The following GJC1 variants were observed in gnomAD, a reference collection of about 807,000 sequenced individuals.
GJC1 encodes the protein gap junction protein gamma 1.
GJC1 carries 5 observed loss-of-function variants against 29.3 expected under a neutral mutation model. The ratio of observed to expected loss-of-function variants is 0.17; its 90% CI spans 0.09 to 0.36. The LOEUF (loss-of-function observed/expected upper bound fraction) is 0.36, where lower values mean the gene tolerates loss of function less well. GJC1 is among the 10% of genes least tolerant of loss of function. GJC1 has a pLI of 1.00. For missense variants in GJC1, 310 were observed against 496.2 expected, an observed-to-expected ratio of 0.62 and a Z score of 3.56; for synonymous variants, 177 against 183.3, an observed-to-expected ratio of 0.97 and a Z score of 0.28.
At chr17:44,806,460 C>T (rs1022623905) in intron 2 of GJC1, among the ~76,000 whole-genome samples, 2 of 142,118 alleles carry the variant, frequency 1.4e-5, no homozygotes, top group Non-Finnish European at 3.0e-5. Flanking sequence ...AGTGCAGTGG[C>T]GTGATCTTGG....
chr17:44,794,324 T>C (rs1213913695), downstream of GJC1: 1 of 152,226 alleles, frequency 6.6e-6, no homozygotes, highest in Non-Finnish European at 1.5e-5. Flanking sequence ...TTCCCGATGG[T>C]TTGAATGTGA....
downstream of GJC1, among the ~76,000 whole-genome samples, chr17:44,797,040 G>A (rs967396296): frequency 2.6e-5 from 4 of 152,140 alleles, no homozygotes; most frequent in African/African-American, 9.7e-5. Context: ...TGTAGAGACA[G>A]GGTCTCACTA....
chr17:44,795,952 G>A (rs2049780840), downstream of GJC1, among the ~76,000 whole-genome samples: 1 of 152,226 alleles, frequency 6.6e-6, no homozygotes, highest in African/African-American at 2.4e-5. Flanking sequence ...AGCAGATGGG[G>A]GAGCCAGAAG....
At chr17:44,823,355 G>T (rs1430227008) in intron 1 of GJC1, among the ~76,000 whole-genome samples, 1 of 148,992 alleles carries the variant, frequency 6.7e-6, no homozygotes, top group Non-Finnish European at 1.5e-5. Flanking sequence ...GGGTTCAAGT[G>T]ATTCTCCTGT....
intron 1 of GJC1, among the ~76,000 whole-genome samples, chr17:44,819,104 A>T (rs1340559517): frequency 6.6e-6 from 1 of 152,096 alleles, no homozygotes; most frequent in Non-Finnish European, 1.5e-5. Flanking sequence ...CAAGTATTAA[A>T]CACATTCATA....
intron 1 of GJC1, among the ~76,000 whole-genome samples, chr17:44,826,544 A>G (rs9914766): frequency 0.033 from 5,029 of 151,970 alleles, 171 homozygotes; most frequent in African/African-American, 0.069. Flanking sequence ...AAAAAAAAAA[A>G]AGTAAAATGC....
chr17:44,822,643 C>CAA (rs11423012), intron 1 of GJC1, among the ~76,000 whole-genome samples: 24,316 of 80,098 alleles, frequency 0.3, 3,596 homozygotes, highest in East Asian at 0.4. Context: ...AACTCCATCT[C>CAA]AAAAAAAAAA....
In GJC1 at chr17:44,806,718, T is replaced by C. The variant is rs56099939; in HGVS notation, c.-21+676A>G. 6.0e-3 allele frequency among the ~76,000 whole-genome samples: 916 copies of C among 152,024 alleles called. 10 individuals are homozygous for C. Among genetic ancestry groups the C allele is most frequent in the African/African-American group, 0.021 (875 of 41,484 alleles). On this transcript the variant is annotated intron_variant, in intron 2 of 2. Transcript: ENST00000592524. ...CTAGGTTCTTTACACATACTATTAT[T>C]TCATGAGACCTTCAGAATTTTGTGA...
intron 1 of GJC1, among the ~76,000 whole-genome samples, chr17:44,818,388 T>A (rs2050067570): frequency 6.6e-6 from 1 of 152,088 alleles, no homozygotes; most frequent in African/African-American, 2.4e-5. Context: ...CAAAAATGAT[T>A]TATTTATTTA....
rs970583997 is a variant in GJC1 at position 44,802,328 on chromosome 17, C to A, written c.*2299G>T. 6.6e-6 allele frequency: 1 copy of A among 152,182 alleles called. No individual in the cohort carries two copies. Among genetic ancestry groups the A allele is most frequent in the African/African-American group, 2.4e-5 (1 of 41,452 alleles). 9.4% of individuals were successfully genotyped at this position (152,182 alleles called of 1,614,324 possible). On this transcript the variant is annotated 3_prime_UTR_variant, in exon 3 of 3. Transcript: ENST00000592524. ...TGGGCAAAGCCACTCTCTTCTCCCT[C>A]AGGCTCTGAAGAGATAACACAAATG...
rs2049858183 is a variant in GJC1, at chr17:44,802,255, G to A, written c.*2372C>T. The A allele has an allele frequency of 6.6e-6, 1 of 152,116 alleles. No homozygotes were observed. Among genetic ancestry groups the A allele is most frequent in the Non-Finnish European group, 1.5e-5 (1 of 68,026 alleles). 9.4% of individuals were successfully genotyped at this position (152,116 alleles called of 1,614,324 possible). On this transcript the variant is annotated 3_prime_UTR_variant, in exon 3 of 3. Transcript: ENST00000592524. Reference sequence around the variant, plus strand: ...TTGCCTGGTTCTTCCTGGCATTTCTGCTTGACTCCTTCCCCCTGTATCATT... The same window carrying A: ...TTGCCTGGTTCTTCCTGGCATTTCTACTTGACTCCTTCCCCCTGTATCATT...
intron 1 of GJC1, among the ~76,000 whole-genome samples, chr17:44,809,915 G>C (rs1202436451): frequency 4.2e-5 from 6 of 141,990 alleles, no homozygotes. Context: ...CTGGAGTGCA[G>C]TGGCATGATC....
At chr17:44,812,216 A>G (rs951691959) in intron 1 of GJC1, among the ~76,000 whole-genome samples, 3 of 150,114 alleles carry the variant, frequency 2.0e-5, no homozygotes, top group African/African-American at 7.4e-5. Flanking sequence ...CAGGACTACA[A>G]GCTGAGGCTG....
At chr17:44,830,344 G>C (rs1261379538), upstream of GJC1, 6 of 174,684 alleles carry the variant, frequency 3.4e-5, no homozygotes, top group Non-Finnish European at 3.6e-5. The surrounding 1 kb of genome is among the most constrained non-coding windows in gnomAD (Gnocchi z 4.3). Flanking sequence ...GCCCGGGAGC[G>C]GGGGGCGCGC....
At chr17:44,823,659 T>G (rs1350386621) in intron 1 of GJC1, among the ~76,000 whole-genome samples, 1 of 151,860 alleles carries the variant, frequency 6.6e-6, no homozygotes, top group Admixed American at 6.6e-5. Context: ...TGCCATGACC[T>G]CCAGAAGAGC....
chr17:44,825,696 A>G (rs902432629), intron 1 of GJC1, among the ~76,000 whole-genome samples: 1 of 151,764 alleles, frequency 6.6e-6, no homozygotes, highest in African/African-American at 2.4e-5. Flanking sequence ...AATTCCTTGA[A>G]CCTGGGAGAC....
At chr17:44,795,747 T>C (rs888582206), downstream of GJC1, among the ~76,000 whole-genome samples, 2 of 152,324 alleles carry the variant, frequency 1.3e-5, no homozygotes, top group South Asian at 2.1e-4. Flanking sequence ...TATGTTACAG[T>C]GTGTGCTTTT....
chr17:44,805,236 C>T lies in GJC1; in HGVS notation c.582G>A (p.Gly194=). The change falls in exon 3 of 3, where the codon GGG becomes GGA. Residue 194 remains glycine (G), a synonymous_variant. Coordinates refer to ENST00000592524, the MANE Select transcript of GJC1 (RefSeq NM_005497.4). The surrounding 1 kb of genome is among the most constrained non-coding windows in gnomAD (Gnocchi z 5.1). ...RTVFEVGFLI[G]QYFLYGFQVH... is the part of the protein sequence containing the mutation. ...CTTGGAAGCCATACAGAAAATACTG[C>T]CCTATCAGAAAACCCACCTCAAACA... 6.2e-7 allele frequency: 1 copy of T among 1,614,148 alleles called. No homozygotes were observed. Among genetic ancestry groups the T allele is most frequent in the Non-Finnish European group, 8.5e-7 (1 of 1,180,022 alleles).
intron 1 of GJC1, among the ~76,000 whole-genome samples, chr17:44,817,269 AG>A (rs2050054143): frequency 6.6e-6 from 1 of 152,254 alleles, no homozygotes; most frequent in South Asian, 2.1e-4. Flanking sequence ...CTTATTAAGT[AG>A]TGAAGCCAGA....
Sources: gnomAD v4.1 joint callset for allele counts (sites outside exome capture counted in the v4.1 genomes callset) on GRCh38, gnomAD v4.1.1 for gene constraint, Gnocchi (gnomAD v3.1) non-coding constraint, MANE v1.5 for transcripts, NCBI Gene and HGNC (gene_info 2026-07-23, HGNC 2026-07-21) for gene names.